PCDH17: variants seen among roughly 807,000 people sequenced by gnomAD.
The protein encoded by PCDH17 is protocadherin-17.
PCDH17 carries 21 observed loss-of-function variants against 67.7 expected under a neutral mutation model. The ratio of observed to expected loss-of-function variants is 0.31; its 90% CI spans 0.22 to 0.45. PCDH17 has a LOEUF of 0.45. Among genes scored for constraint, PCDH17 ranks in the 20% least tolerant of loss-of-function variants. PCDH17 has a pLI of 1.00. For synonymous variants in PCDH17, 701 were observed against 656.7 expected, an observed-to-expected ratio of 1.07 and a Z score of -1.03; for missense variants, 1,471 against 1,564.8, an observed-to-expected ratio of 0.94 and a Z score of 1.01.
At chr13:57,718,841 A>T (rs1955847267) in intron 3 of PCDH17, among the ~76,000 whole-genome samples, 1 of 151,902 alleles carries the variant, frequency 6.6e-6, no homozygotes, top group Admixed American at 6.6e-5. Flanking sequence ...TGTGTGTGTA[A>T]TTGTGTGTAT....
Position 57,633,682 on chromosome 13 carries a change from G to C in PCDH17, c.1136G>C (p.Arg379Pro), listed in dbSNP as rs535692796. 2.0e-4 allele frequency: 316 copies of C among 1,604,788 alleles called. No individual in the cohort carries two copies. Among genetic ancestry groups the C allele is most frequent in the Non-Finnish European group, 2.4e-4 (280 of 1,179,872 alleles). ...ATCGCCCTGGTGCGGGTCACTGACC[G>C]GGACTCTGGCAAGAACGGACAGCTG... ...TVIALVRVTD[R>P]DSGKNGQLQC... Residue 379 changes from arginine (R) to proline (P), a missense_variant, in exon 1 of 4, where the codon CGG (arginine) becomes CCG (proline). Transcript: ENST00000377918. The surrounding 1 kb of genome is among the most constrained non-coding windows in gnomAD (Gnocchi z 6.2).
chr13:57,659,084 A>T (rs1015055278), intron 1 of PCDH17, among the ~76,000 whole-genome samples: 8 of 149,396 alleles, frequency 5.4e-5, no homozygotes, highest in Non-Finnish European at 1.2e-4. Flanking sequence ...TTGGCTAATT[A>T]GCACCAAGGT....
chr13:57,713,633 A>G (rs1955795257), intron 3 of PCDH17, among the ~76,000 whole-genome samples: 1 of 151,654 alleles, frequency 6.6e-6, no homozygotes, highest in Non-Finnish European at 1.5e-5. Flanking sequence ...GGAAACTATC[A>G]TTTTAATTGT....
chr13:57,660,390 A>C (rs1450138425), intron 1 of PCDH17, among the ~76,000 whole-genome samples: 1 of 152,250 alleles, frequency 6.6e-6, no homozygotes, highest in Non-Finnish European at 1.5e-5. Context: ...TTGGCTCAGT[A>C]TCATTTTAAA....
intron 3 of PCDH17, among the ~76,000 whole-genome samples, chr13:57,672,508 C>A (rs1955334438): frequency 6.6e-6 from 1 of 151,864 alleles, no homozygotes; most frequent in Non-Finnish European, 1.5e-5. Context: ...CTTTCCACAA[C>A]CTGTATTTTA....
At chr13:57,687,841 G>A (rs985289858) in intron 3 of PCDH17, among the ~76,000 whole-genome samples, 3 of 151,940 alleles carry the variant, frequency 2.0e-5, no homozygotes, top group African/African-American at 7.2e-5. Context: ...ACTGTCCAAG[G>A]CTGAAGTTGT....
At chr13:57,681,071 G>A (rs1955444845) in intron 3 of PCDH17, among the ~76,000 whole-genome samples, 1 of 151,746 alleles carries the variant, frequency 6.6e-6, no homozygotes. Context: ...CTCTCCTCAA[G>A]TTGATGATAT....
At chr13:57,663,532 T>C (rs748563475) in intron 1 of PCDH17, among the ~76,000 whole-genome samples, 88 of 152,278 alleles carry the variant, frequency 5.8e-4, no homozygotes, top group Non-Finnish European at 1.0e-3. Flanking sequence ...TTATTTTATA[T>C]TCAGATTATT....
chr13:57,679,451 A>G (rs532956790), intron 3 of PCDH17, among the ~76,000 whole-genome samples: 90 of 151,446 alleles, frequency 5.9e-4, no homozygotes, highest in Non-Finnish European at 1.3e-4. Flanking sequence ...CTAAAAAGTA[A>G]CCTAGGCACA....
At chr13:57,670,285 T>C (rs1955303962) in intron 3 of PCDH17, among the ~76,000 whole-genome samples, 1 of 151,868 alleles carries the variant, frequency 6.6e-6, no homozygotes, top group African/African-American at 2.4e-5. Flanking sequence ...CAAGCACACA[T>C]ATAAATAACA....
At chr13:57,649,506 A>G in intron 1 of PCDH17, among the ~76,000 whole-genome samples, 1 of 152,186 alleles carries the variant, frequency 6.6e-6, no homozygotes, top group Admixed American at 6.6e-5. Flanking sequence ...GATGTAAGCC[A>G]CATAAGACCA....
At chr13:57,652,483 T>G (rs1955054862) in intron 1 of PCDH17, among the ~76,000 whole-genome samples, 1 of 152,154 alleles carries the variant, frequency 6.6e-6, no homozygotes. Context: ...TATTGTAAAT[T>G]TCTTAAAATA....
chr13:57,723,843 T>TA (rs1336058124), intron 3 of PCDH17, among the ~76,000 whole-genome samples: 24 of 152,070 alleles, frequency 1.6e-4, no homozygotes, highest in African/African-American at 5.6e-4. Flanking sequence ...AGGAAAAAAG[T>TA]AAAAATTCCC....
rs555111507 is a variant in PCDH17, at chr13:57,632,661, G to T, written c.115G>T (p.Gly39Cys). 1.1e-5 allele frequency: 17 copies of T among 1,612,188 alleles called. No individual in the cohort carries two copies. The South Asian group carries it at 1.1e-4, about 10-fold the overall frequency. Residue 39 changes from glycine (G) to cysteine (C), a missense_variant, in exon 1 of 4, where the codon GGC becomes TGC. Gly to Cys is a radical substitution (Grantham distance 159, BLOSUM62 -3). Coordinates refer to ENST00000377918, the MANE Select transcript of PCDH17 (RefSeq NM_001040429.3). Reference sequence around the variant, plus strand: ...GGCCGGCACGGTGATCGGGAACATCGGCAGGGATGCTCGACTGCAGCCTGG... The same window carrying T: ...GGCCGGCACGGTGATCGGGAACATCTGCAGGGATGCTCGACTGCAGCCTGG... ...QGAGTVIGNI[G>C]RDARLQPGLP...
rs1955935239 is a variant in PCDH17 at position 57,729,210 on chromosome 13, G to A, written c.*3916G>A. On this transcript the variant is annotated 3_prime_UTR_variant, in exon 4 of 4. Transcript: ENST00000377918. ...GTGAACAAGGACAACAACAAAAGCAGCATACATTGTATGGATTTATCTCAA... is the reference window on the plus strand; with the variant it reads ...GTGAACAAGGACAACAACAAAAGCAACATACATTGTATGGATTTATCTCAA... 6.6e-6 allele frequency: 1 copy of A among 152,100 alleles called. No individual in the cohort carries two copies. Among genetic ancestry groups the A allele is most frequent in the African/African-American group, 2.4e-5 (1 of 41,444 alleles). 9.4% of individuals were successfully genotyped at this position (152,100 alleles called of 1,614,324 possible). A position where few individuals can be genotyped will look rare whatever the true frequency, so the allele number is the denominator to read the frequency against.
chr13:57,717,601 A>C (rs1037020688), intron 3 of PCDH17, among the ~76,000 whole-genome samples: 1 of 151,986 alleles, frequency 6.6e-6, no homozygotes, highest in Non-Finnish European at 1.5e-5. Flanking sequence ...GATATAGGAC[A>C]GTGATTTCTG....
At chr13:57,684,851 C>T (rs1397258133) in intron 3 of PCDH17, among the ~76,000 whole-genome samples, 1 of 151,928 alleles carries the variant, frequency 6.6e-6, no homozygotes, top group Admixed American at 6.6e-5. Flanking sequence ...TTTGAATATG[C>T]TTGATACATG....
At chr13:57,672,251 C>G (rs1955332037) in intron 3 of PCDH17, among the ~76,000 whole-genome samples, 1 of 151,874 alleles carries the variant, frequency 6.6e-6, no homozygotes, top group Non-Finnish European at 1.5e-5. Flanking sequence ...GAAAGTAAAG[C>G]TAATAAATAT....
At chr13:57,679,164 A>G (rs920019831) in intron 3 of PCDH17, among the ~76,000 whole-genome samples, 8 of 151,572 alleles carry the variant, frequency 5.3e-5, no homozygotes, top group African/African-American at 1.9e-4. Flanking sequence ...TAAAATTATG[A>G]ATAAGGAATA....
Sources: allele counts gnomAD v4.1 joint callset (sites outside exome capture counted in the v4.1 genomes callset), GRCh38; gene constraint gnomAD v4.1.1; non-coding constraint Gnocchi (gnomAD v3.1); transcripts MANE v1.5; gene names NCBI Gene and HGNC (gene_info 2026-07-23, HGNC 2026-07-21).